SRCAP: variants seen among roughly 807,000 people sequenced by gnomAD.
The protein encoded by SRCAP is chromatin remodeling protein SRCAP.
In SRCAP, 46 loss-of-function variants were observed where a neutral mutation model predicts 263.1. The ratio of observed to expected loss-of-function variants is 0.17; its 90% CI spans 0.14 to 0.22. The LOEUF (loss-of-function observed/expected upper bound fraction) is 0.22. Ranked by LOEUF, SRCAP falls within the 10% of genes least tolerant of loss-of-function variation. The pLI is 1.00. For synonymous variants in SRCAP, 1,813 were observed against 1,662.1 expected (o/e 1.09, Z -2.21); for missense variants, 3,695 against 4,181.9 (o/e 0.88, Z 3.21).
At chr16:30,734,334 C>T (rs1039611919) in intron 30 of SRCAP, 162 bp from the exon 31 acceptor site, 89 of 1,063,430 alleles carry the variant, frequency 8.4e-5, no homozygotes, top group Admixed American at 3.0e-4. Flanking sequence ...CGAGCAAAAC[C>T]GTCTCAAAAA....
chr16:30,737,287 C>G lies in SRCAP; in HGVS notation c.7247C>G (p.Ser2416Cys), dbSNP rs1226103379. The change falls in exon 34 of 34, where the codon TCC (serine) becomes TGC (cysteine). Residue 2416 changes from serine to cysteine, a missense_variant. Transcript: ENST00000262518. ...TQGANHTPVI[S>C]AHQTRSTTTP... The stretch of plus-strand genomic sequence containing the variant: ...GGGGCAAACCACACTCCTGTCATAT[C>G]CGCCCATCAAACTCGCAGCACCACC... 6.2e-7 allele frequency: 1 copy of G among 1,613,924 alleles called. No homozygotes were observed. The highest frequency in any genetic ancestry group is 2.2e-5 in the East Asian group (1 of 44,868).
Position 30,733,849 on chromosome 16 carries a change from C to G in SRCAP, c.6495-45C>G, listed in dbSNP as rs769242783. On this transcript the variant is annotated intron_variant, in intron 29 of 33. Transcript: ENST00000262518. This position sits in a 1 kb window ranked among gnomAD's most constrained non-coding sequence, Gnocchi z 5.3. ...ACTTTCCGTTTACTGATGGGGTTTC[C>G]TGGATATATTTGGCTGCTTACACAC... The G allele has an allele frequency of 6.2e-7, 1 of 1,612,466 alleles. No individual in the cohort carries two copies. The highest frequency in any genetic ancestry group is 2.2e-5 in the East Asian group (1 of 44,860).
intron 16 of SRCAP, 22 bp downstream of exon 16, chr16:30,713,733 C>A (rs373496072): frequency 3.7e-6 from 6 of 1,610,384 alleles, no homozygotes; most frequent in Middle Eastern, 1.9e-4. Context: ...AACAGTTTGT[C>A]AGGGTATTGG....
intron 20 of SRCAP, 61 bp downstream of exon 20, chr16:30,721,039 G>A (rs2053006420): frequency 1.3e-6 from 2 of 1,550,680 alleles, no homozygotes; most frequent in Non-Finnish European, 1.7e-6. Flanking sequence ...TCAGACTGAG[G>A]AGGAAGTAGT....
chr16:30,725,300 G>C, intron 25 of SRCAP: 1 of 975,556 alleles, frequency 1.0e-6, no homozygotes, highest in Non-Finnish European at 1.4e-6. Flanking sequence ...GGATTACAGG[G>C]GTGAGCCACC....
At chr16:30,706,230 A>G (rs2151285713) in intron 4 of SRCAP, among the ~76,000 whole-genome samples, 1 of 152,342 alleles carries the variant, frequency 6.6e-6, no homozygotes, top group African/African-American at 2.4e-5. Context: ...AATCCCAGGC[A>G]GGCGGATTGC....
chr16:30,722,612 C>A lies in SRCAP; in HGVS notation c.3756C>A (p.Ser1252Arg). 1 of 1,614,158 alleles carries A rather than the reference C, an allele frequency of 6.2e-7. No individual in the cohort carries two copies. The highest frequency in any genetic ancestry group is 8.5e-7 in the Non-Finnish European group (1 of 1,180,020). The change falls in exon 23 of 34, where the codon AGC (serine) becomes AGA (arginine). Residue 1252 changes from serine to arginine, a missense_variant. Ser to Arg is a moderately radical substitution (Grantham distance 110, BLOSUM62 -1). Transcript: ENST00000262518. Reference sequence around the variant, plus strand: ...CAGGGGGGCAGCACCATCTCATCAGCCAGCCTGCCCATGTGGCCCTCATCC... The same window carrying A: ...CAGGGGGGCAGCACCATCTCATCAGACAGCCTGCCCATGTGGCCCTCATCC... ...VSAGGQHHLI[S>R]QPAHVALIQA...
At position 30,734,563 on chromosome 16, in the gene SRCAP, C is replaced by G. The variant is rs772142315; in HGVS notation, c.6677C>G (p.Pro2226Arg). 1 of 1,613,946 alleles carries G rather than the reference C, an allele frequency of 6.2e-7. No individual in the cohort carries two copies. The highest frequency in any genetic ancestry group is 8.5e-7 in the Non-Finnish European group (1 of 1,180,016). Residue 2226 changes from proline (P) to arginine (R), a missense_variant, in exon 31 of 34, where the codon CCT (proline) becomes CGT (arginine). By Grantham distance (103) the Pro-to-Arg change is moderately radical. Around this residue, in one of 12 missense-constraint regions of SRCAP, gnomAD observed 53 missense variants for 45.6 expected, o/e 1.16. Transcript: ENST00000262518. The stretch of plus-strand genomic sequence containing the variant: ...TCTAGCTCATCCGTGCCCTCTGCCC[C>G]TGAAGAGGAGGAAGAGACTGTGGCC... Reference protein sequence around the residue: ...EPSSSSVPSAPEEEEETVASK... With the variant: ...EPSSSSVPSAREEEEETVASK...
intron 4 of SRCAP, 94 bp downstream of exon 4, chr16:30,704,409 T>C (rs955905685): frequency 3.4e-6 from 5 of 1,471,964 alleles, no homozygotes; most frequent in Admixed American, 4.6e-5. Flanking sequence ...TTCTTTTTTG[T>C]CATGGATTTA....
At position 30,737,391 on chromosome 16, in the gene SRCAP, C is replaced by G. The variant is rs774201662; in HGVS notation, c.7351C>G (p.Pro2451Ala). The change falls in exon 34 of 34, where the codon CCG (proline) becomes GCG (alanine). Residue 2451 changes from proline to alanine, a missense_variant. Coordinates refer to ENST00000262518, the MANE Select transcript of SRCAP (RefSeq NM_006662.3). ...PRPRPTPASA[P>A]AAIPALVPVP... Reference sequence around the variant, plus strand: ...GCCTCGACCCACTCCAGCTTCAGCTCCGGCTGCAATTCCTGCCCTTGTTCC... The same window carrying G: ...GCCTCGACCCACTCCAGCTTCAGCTGCGGCTGCAATTCCTGCCCTTGTTCC... The G allele has an allele frequency of 6.2e-7, 1 of 1,612,142 alleles. No individual in the cohort carries two copies. The highest frequency in any genetic ancestry group is 8.5e-7 in the Non-Finnish European group (1 of 1,179,248).
intron 31 of SRCAP, among the ~76,000 whole-genome samples, chr16:30,734,888 C>T (rs1278798194): frequency 6.6e-6 from 1 of 152,096 alleles, no homozygotes; most frequent in Non-Finnish European, 1.5e-5. Flanking sequence ...CTCTTCTGAA[C>T]CTCACTTTCT....
In SRCAP at chr16:30,700,800, C is replaced by G; in HGVS notation, c.-25C>G. On this transcript the variant is annotated 5_prime_UTR_variant, in exon 3 of 34. Coordinates refer to ENST00000262518, the MANE Select transcript of SRCAP (RefSeq NM_006662.3). ...ACAACCCAGTCATTCTTCAGGCATC[C>G]AAGGGGGAGCCTGGGAGTGGGACCA... The G allele has an allele frequency of 6.2e-7, 1 of 1,612,570 alleles. No homozygotes were observed. Among genetic ancestry groups the G allele is most frequent in the Non-Finnish European group, 8.5e-7 (1 of 1,178,924 alleles).
At position 30,709,753 on chromosome 16, in the gene SRCAP, T is replaced by C. The variant is rs367980091; in HGVS notation, c.856+18T>C. 6.2e-7 allele frequency: 1 copy of C among 1,613,988 alleles called. No individual in the cohort carries two copies. Among genetic ancestry groups the C allele is most frequent in the African/African-American group, 1.3e-5 (1 of 74,882 alleles). On this transcript the variant is annotated intron_variant, in intron 7 of 33. Coordinates refer to ENST00000262518, the MANE Select transcript of SRCAP (RefSeq NM_006662.3). ...TGATGAAGGTGTGTGTTCTCTTTGG[T>C]CCTGTTACTCTTCCTCATGTACCCT...
intron 3 of SRCAP, among the ~76,000 whole-genome samples, chr16:30,703,786 G>T (rs2052795228): frequency 6.6e-6 from 1 of 151,740 alleles, no homozygotes. Context: ...AGTCCCAGCT[G>T]CTCAGGAGGC....
intron 25 of SRCAP, among the ~76,000 whole-genome samples, chr16:30,728,349 G>A (rs1300645995): frequency 6.6e-6 from 1 of 152,198 alleles, no homozygotes; most frequent in Non-Finnish European, 1.5e-5. Flanking sequence ...CATAATAAGT[G>A]ATACAAAGAA....
chr16:30,739,902 A>G lies in SRCAP; in HGVS notation c.*169A>G. The G allele has an allele frequency of 1.8e-6, 2 of 1,116,358 alleles. No homozygotes were observed. Among genetic ancestry groups the G allele is most frequent in the African/African-American group, 3.2e-5 (2 of 63,064 alleles). The allele number at this position is 1,116,358 out of a possible 1,614,324, so 69.2% of individuals were successfully genotyped here. A position where few individuals can be genotyped will look rare whatever the true frequency, so the allele number is the denominator to read the frequency against. On this transcript the variant is annotated 3_prime_UTR_variant, in exon 34 of 34. Transcript: ENST00000262518. ...GGGGGTAGGCAACTGGTTGTCATGG[A>G]AATGGGGATCATCACAGTCCCCTTC...
chr16:30,740,084 T>TG lies in SRCAP; in HGVS notation c.*351_*352insG. On this transcript the variant is annotated 3_prime_UTR_variant, in exon 34 of 34. Coordinates refer to ENST00000262518, the MANE Select transcript of SRCAP (RefSeq NM_006662.3). Reference sequence around the variant, plus strand: ...ACAATGAGGTTTTTTTCTTTTTTTTTTTTTTTTAAGAAGAAAAAATAATAA... The same window carrying TG: ...ACAATGAGGTTTTTTTCTTTTTTTTTGTTTTTTTAAGAAGAAAAAATAATAA... 5.5e-6 allele frequency: 1 copy of TG among 183,358 alleles called. No homozygotes were observed. The highest frequency in any genetic ancestry group is 1.1e-5 in the Non-Finnish European group (1 of 88,806). 11.4% of individuals were successfully genotyped at this position (183,358 alleles called of 1,614,324 possible).
chr16:30,718,277 A>G (rs916613798), intron 18 of SRCAP, among the ~76,000 whole-genome samples: 1 of 152,046 alleles, frequency 6.6e-6, no homozygotes, highest in Admixed American at 6.5e-5. Flanking sequence ...CCCGGGTTCA[A>G]GTGATTCTCC....
intron 25 of SRCAP, chr16:30,726,132 G>A (rs565522087): frequency 6.6e-6 from 1 of 152,198 alleles, no homozygotes; most frequent in African/African-American, 2.4e-5. Flanking sequence ...TGTATAATGT[G>A]TGGTCCATTG....
Sources: allele counts gnomAD v4.1 joint callset (sites outside exome capture counted in the v4.1 genomes callset), GRCh38; gene constraint gnomAD v4.1.1; regional missense constraint gnomAD v4.1.1; non-coding constraint Gnocchi (gnomAD v3.1); transcripts MANE v1.5; gene names NCBI Gene and HGNC (gene_info 2026-07-23, HGNC 2026-07-21).